Variants in CCDC192 observed in about 807,000 individuals in gnomAD.
The protein encoded by CCDC192 is coiled-coil domain-containing protein 192.
At chr5:127,747,947 T>C (rs1753878607) in intron 2 of CCDC192, among the ~76,000 whole-genome samples, 1 of 151,022 alleles carries the variant, frequency 6.6e-6, no homozygotes, top group African/African-American at 2.4e-5. Context: ...CACTTTTTGA[T>C]GGAGTTGTTT....
chr5:127,725,278 T>A (rs1033949359), intron 2 of CCDC192, among the ~76,000 whole-genome samples: 4 of 152,182 alleles, frequency 2.6e-5, no homozygotes, highest in Non-Finnish European at 4.4e-5. Flanking sequence ...GGAAATTTGT[T>A]AAAGTTTGTA....
chr5:127,920,429 A>C (rs1490626600), intron 6 of CCDC192, among the ~76,000 whole-genome samples: 1 of 107,546 alleles, frequency 9.3e-6, no homozygotes, highest in South Asian at 2.9e-4. Context: ...TTTTTTTGAG[A>C]TGGAGTTTTT....
At chr5:127,809,541 T>C (rs1444944049) in intron 5 of CCDC192, among the ~76,000 whole-genome samples, 2 of 152,206 alleles carry the variant, frequency 1.3e-5, no homozygotes, top group Non-Finnish European at 2.9e-5. Flanking sequence ...AGGGGAACAC[T>C]CATGAACATA....
chr5:127,726,716 G>C (rs1752344525), intron 2 of CCDC192, among the ~76,000 whole-genome samples: 1 of 152,214 alleles, frequency 6.6e-6, no homozygotes, highest in South Asian at 2.1e-4. Context: ...GGGCCTCCTT[G>C]TGGGAATTTC....
At chr5:127,812,159 C>A (rs1236684809) in intron 5 of CCDC192, among the ~76,000 whole-genome samples, 14 of 152,276 alleles carry the variant, frequency 9.2e-5, no homozygotes, top group Non-Finnish European at 5.9e-5. Flanking sequence ...AATCCTTAGA[C>A]TGGTACCTAC....
At chr5:127,722,271 A>T (rs1203538231) in intron 2 of CCDC192, among the ~76,000 whole-genome samples, 1 of 150,600 alleles carries the variant, frequency 6.6e-6, no homozygotes. Context: ...TCTTTTGAGG[A>T]ATGTCTTTTA....
chr5:127,752,986 G>T (rs982100055), intron 2 of CCDC192, among the ~76,000 whole-genome samples: 2 of 152,152 alleles, frequency 1.3e-5, no homozygotes, highest in Non-Finnish European at 2.9e-5. Context: ...GTCGGTGTGC[G>T]CACCCACTGA....
Position 127,768,112 on chromosome 5 carries a change from C to T in CCDC192, c.222+13737C>T, listed in dbSNP as rs867423807. On this transcript the variant is annotated intron_variant, in intron 3 of 6. Coordinates refer to ENST00000514853, the MANE Select transcript of CCDC192 (RefSeq NM_001317938.2). The stretch of plus-strand genomic sequence containing the variant: ...ACTAAAAATACAAAAATTATCCAGG[C>T]GTGGTGGCACGTGCCTGTAATCCCA... 4.6e-5 allele frequency among the ~76,000 whole-genome samples: 7 copies of T among 151,824 alleles called. No individual in the cohort carries two copies. In the South Asian group the frequency reaches 8.3e-4, roughly 18 times the overall value.
At chr5:127,797,823 TA>T (rs1393686898) in intron 4 of CCDC192, among the ~76,000 whole-genome samples, 1 of 148,116 alleles carries the variant, frequency 6.8e-6, no homozygotes, top group East Asian at 1.9e-4. Context: ...TTATATGATA[TA>T]GGGGCATTTG....
intron 6 of CCDC192, among the ~76,000 whole-genome samples, chr5:127,884,825 TTTCTC>T (rs1352177967): frequency 6.6e-6 from 1 of 152,168 alleles, no homozygotes; most frequent in Non-Finnish European, 1.5e-5. Flanking sequence ...AAGTACAACA[TTTCTC>T]TTCTTTTTTC....
chr5:127,839,613 A>G (rs1355850998), intron 5 of CCDC192, among the ~76,000 whole-genome samples: 1 of 152,156 alleles, frequency 6.6e-6, no homozygotes, highest in Non-Finnish European at 1.5e-5. Flanking sequence ...TTATAAAGAT[A>G]TAATTATGGA....
At chr5:127,706,525 G>GA (rs1224118510) in intron 1 of CCDC192, among the ~76,000 whole-genome samples, 23,024 of 60,508 alleles carry the variant, frequency 0.38, 4,059 homozygotes, top group Non-Finnish European at 0.46. Flanking sequence ...CTCCATCTCA[G>GA]AAAAAAAAAA....
intron 5 of CCDC192, among the ~76,000 whole-genome samples, chr5:127,856,167 G>A (rs149992867): frequency 7.2e-5 from 11 of 152,322 alleles, no homozygotes; most frequent in African/African-American, 2.6e-4. Context: ...TTTAATCAAT[G>A]ATCTTAGCTA....
intron 2 of CCDC192, among the ~76,000 whole-genome samples, chr5:127,718,015 GTTCTCAC>G (rs1751740609): frequency 6.6e-6 from 1 of 150,526 alleles, no homozygotes; most frequent in African/African-American, 2.4e-5. Flanking sequence ...ATCTCCAGAA[GTTCTCAC>G]TTTAATAATA....
intron 5 of CCDC192, among the ~76,000 whole-genome samples, chr5:127,845,210 A>C (rs1325987522): frequency 2.0e-5 from 3 of 152,182 alleles, no homozygotes; most frequent in African/African-American, 4.8e-5. Context: ...CCTCCATGTC[A>C]GTCATGGAGA....
intron 2 of CCDC192, among the ~76,000 whole-genome samples, chr5:127,749,971 A>AT (rs1580589494): frequency 1.3e-5 from 2 of 151,716 alleles, no homozygotes; most frequent in African/African-American, 4.8e-5. Flanking sequence ...CCCCTTTATC[A>AT]TTTTTTATTG....
At chr5:127,762,912 G>A (rs745581678) in intron 3 of CCDC192, among the ~76,000 whole-genome samples, 21 of 152,088 alleles carry the variant, frequency 1.4e-4, no homozygotes, top group African/African-American at 4.6e-4. Flanking sequence ...AATATTAATC[G>A]AGTTTATACT....
At chr5:127,782,053 A>T (rs891775949) in intron 3 of CCDC192, among the ~76,000 whole-genome samples, 1 of 152,100 alleles carries the variant, frequency 6.6e-6, no homozygotes, top group Non-Finnish European at 1.5e-5. Flanking sequence ...GATTTTGTCA[A>T]ATGGTTTTTA....
chr5:127,937,657 C>T (rs771129965), intron 6 of CCDC192, among the ~76,000 whole-genome samples: 2 of 152,218 alleles, frequency 1.3e-5, no homozygotes, highest in Non-Finnish European at 2.9e-5. Flanking sequence ...GCTGCCTAGA[C>T]ACTTGCTTCT....
Sources: gnomAD v4.1 joint callset for allele counts (sites outside exome capture counted in the v4.1 genomes callset) on GRCh38, gnomAD v4.1.1 for gene constraint, MANE v1.5 for transcripts, NCBI Gene and HGNC (gene_info 2026-07-23, HGNC 2026-07-21) for gene names.